Variants in CARMIL3 observed in about 807,000 individuals in gnomAD.
CARMIL3 encodes the protein capping protein, Arp2/3 and myosin-I linker protein 3.
A neutral mutation model predicts 180.8 loss-of-function variants in CARMIL3; 88 were observed. The ratio of observed to expected loss-of-function variants is 0.49; its 90% CI spans 0.41 to 0.58. CARMIL3 has a LOEUF of 0.58. CARMIL3 is among the 20% of genes least tolerant of loss of function. The pLI is 0.00. For missense variants in CARMIL3, 1,548 were observed against 1,787.0 expected, an observed-to-expected ratio of 0.87 and a Z score of 2.41; for synonymous variants, 696 against 714.5, an observed-to-expected ratio of 0.97 and a Z score of 0.41.
rs62621245 is a variant in CARMIL3 at position 24,068,918 on chromosome 14, C to T, written c.3934C>T (p.Arg1312Trp). 4.4e-3 allele frequency: 7,049 copies of T among 1,591,012 alleles called. 278 individuals are homozygous for T. In the African/African-American group the frequency reaches 0.084, roughly 19 times the overall value. Residue 1312 changes from arginine (R) to tryptophan (W), a missense_variant, in exon 38 of 40, where the codon CGG (arginine) becomes TGG (tryptophan). Arg to Trp is a moderately radical substitution (Grantham distance 101). This residue lies in a region of CARMIL3 where 668 missense variants were observed against 687.8 expected (regional missense o/e 0.97). Transcript: ENST00000342740. The part of the protein sequence containing the change: ...GDAAPGVNKP[R>W]LRLSSQQDQE... ...TGCAGCTCCAGGAGTCAACAAACCCCGGCTGAGGCTGAGCTCACAGCAAGA... is the reference window on the plus strand; with the variant it reads ...TGCAGCTCCAGGAGTCAACAAACCCTGGCTGAGGCTGAGCTCACAGCAAGA...
At position 24,057,047 on chromosome 14, in the gene CARMIL3, G is replaced by A. The variant is rs1370561452; in HGVS notation, c.1062+23G>A. The A allele has an allele frequency of 6.2e-6, 10 of 1,607,434 alleles. No homozygotes were observed. In the South Asian group the frequency reaches 1.0e-4, roughly 16 times the overall value. On this transcript the variant is annotated intron_variant, in intron 13 of 39. Coordinates refer to ENST00000342740, the MANE Select transcript of CARMIL3 (RefSeq NM_138360.4). Reference sequence around the variant, plus strand: ...AATGTGAGTCCTCAGAACAGCCTCAGCCCCCTGCAGAAAGCATGCTTAAGC... The same window carrying A: ...AATGTGAGTCCTCAGAACAGCCTCAACCCCCTGCAGAAAGCATGCTTAAGC...
In CARMIL3 at chr14:24,055,805, T is replaced by A. The variant is rs2035666404; in HGVS notation, c.770+16T>A. The A allele has an allele frequency of 6.2e-7, 1 of 1,612,906 alleles. No homozygotes were observed. The highest frequency in any genetic ancestry group is 1.3e-5 in the African/African-American group (1 of 74,986). The stretch of plus-strand genomic sequence containing the variant: ...GGCTTAAGACGTGAGGCCAGTCTCC[T>A]CCTTGGGCAGTAGTGCACCCTTGAT... On this transcript the variant is annotated intron_variant, in intron 10 of 39. Coordinates refer to ENST00000342740, the MANE Select transcript of CARMIL3 (RefSeq NM_138360.4).
chr14:24,059,887 C>T lies in CARMIL3; in HGVS notation c.1869-83C>T, dbSNP rs1029853624. The T allele has an allele frequency of 3.2e-6, 5 of 1,546,014 alleles. No homozygotes were observed. In the Admixed American group the frequency reaches 6.7e-5, roughly 21 times the overall value. ...AAGACAGAAATGATGAGCAAGGGGG[C>T]TGGAGGGCTGCTCACCAACAGAGGA... On this transcript the variant is annotated intron_variant, in intron 22 of 39. Transcript: ENST00000342740. This position sits in a 1 kb window ranked among gnomAD's most constrained non-coding sequence, Gnocchi z 6.3.
chr14:24,068,214 C>T (rs1251975704), intron 36 of CARMIL3, among the ~76,000 whole-genome samples: 7 of 152,154 alleles, frequency 4.6e-5, no homozygotes, highest in East Asian at 3.9e-4. Flanking sequence ...CTGGCCAACA[C>T]GGTGAAACCC....
Position 24,060,989 on chromosome 14 carries a change from G to T in CARMIL3, c.2253G>T (p.Arg751Ser), listed in dbSNP as rs1481867207. The T allele has an allele frequency of 1.3e-6, 2 of 1,551,712 alleles. No individual in the cohort carries two copies. The highest frequency in any genetic ancestry group is 1.7e-6 in the Non-Finnish European group (2 of 1,146,982). ...VLANDGPVRQRLESVASEVSK... is the reference protein window; with the variant it reads ...VLANDGPVRQSLESVASEVSK... ...CCAATGATGGGCCTGTGCGGCAGAG[G>T]CTGGAATCAGTAGCAAGTGAGGTGT... is the stretch of plus-strand genomic sequence containing the variant. The change falls in exon 26 of 40, where the codon AGG (arginine) becomes AGT (serine). Residue 751 changes from arginine to serine, a missense_variant. Arg to Ser is a moderately radical substitution (Grantham distance 110). Transcript: ENST00000342740.
At chr14:24,066,219 T>A (rs2035785314) in intron 34 of CARMIL3, among the ~76,000 whole-genome samples, 179 bp from the exon 35 acceptor site, 1 of 152,236 alleles carries the variant, frequency 6.6e-6, no homozygotes, top group Non-Finnish European at 1.5e-5. Flanking sequence ...TACTCATTTG[T>A]GTAAGCCATT....
At position 24,069,257 on chromosome 14, in the gene CARMIL3, G is replaced by A. The variant is rs769530380; in HGVS notation, c.4093+10G>A. On this transcript the variant is annotated intron_variant, in intron 39 of 39. Coordinates refer to ENST00000342740, the MANE Select transcript of CARMIL3 (RefSeq NM_138360.4). ...CCTCCTGACCCCACAGGTGCTGGTG[G>A]TGAGAGGGCAGGTCCCCCCTTCCCA... 4 of 1,613,848 alleles carry A rather than the reference G, an allele frequency of 2.5e-6. No homozygotes were observed. Among genetic ancestry groups the A allele is most frequent in the African/African-American group, 1.3e-5 (1 of 74,906 alleles).
chr14:24,062,610 C>T, intron 28 of CARMIL3, 43 bp downstream of exon 28: 1 of 1,613,468 alleles, frequency 6.2e-7, no homozygotes, highest in South Asian at 1.1e-5. Flanking sequence ...GGCACGCCCT[C>T]CACCCCACAT....
intron 33 of CARMIL3, 133 bp from the exon 34 acceptor site, chr14:24,065,489 C>T (rs1306592167): frequency 7.3e-7 from 1 of 1,360,748 alleles, no homozygotes; most frequent in Admixed American, 2.4e-5. Flanking sequence ...TGGAAGGACT[C>T]TTCAGAGGGT....
At chr14:24,065,586 C>T in intron 33 of CARMIL3, 36 bp from the exon 34 acceptor site, 1 of 1,576,378 alleles carries the variant, frequency 6.3e-7, no homozygotes, top group Non-Finnish European at 8.6e-7. Flanking sequence ...CCCCCTTCGA[C>T]TGGGAACTGC....
In CARMIL3 at chr14:24,055,132, A is replaced by T; in HGVS notation, c.527A>T (p.Gln176Leu). 1 of 1,614,062 alleles carries T rather than the reference A, an allele frequency of 6.2e-7. No homozygotes were observed. The highest frequency in any genetic ancestry group is 8.5e-7 in the Non-Finnish European group (1 of 1,180,010). ...YNGLHCREEV[Q>L]WDVDTIYHAE... ...GGGCTACACTGCCGTGAGGAGGTTCAATGGGTATGTTGGGCAGGGACCCCA... is the reference window on the plus strand; with the variant it reads ...GGGCTACACTGCCGTGAGGAGGTTCTATGGGTATGTTGGGCAGGGACCCCA... Residue 176 changes from glutamine (Q) to leucine (L), a missense_variant, in exon 7 of 40, where the codon CAA becomes CTA. Coordinates refer to ENST00000342740, the MANE Select transcript of CARMIL3 (RefSeq NM_138360.4).
Position 24,056,603 on chromosome 14 carries a change from TTCTC to T in CARMIL3, c.866-14_866-11del. On this transcript the variant is annotated splice_polypyrimidine_tract_variant and intron_variant, in intron 11 of 39. Coordinates refer to ENST00000342740, the MANE Select transcript of CARMIL3 (RefSeq NM_138360.4). ...CTGCCCTGCCCCTCACTGGGCCCGT[TTCTC>T]TCTCCACTCCCCAGGTTTTCTCAGT... 6.2e-7 allele frequency: 1 copy of T among 1,613,278 alleles called. No homozygotes were observed. The highest frequency in any genetic ancestry group is 8.5e-7 in the Non-Finnish European group (1 of 1,179,472).
At position 24,064,988 on chromosome 14, in the gene CARMIL3, A is replaced by T; in HGVS notation, c.3111A>T (p.Pro1037=). The T allele has an allele frequency of 1.2e-6, 2 of 1,612,174 alleles. No homozygotes were observed. Among genetic ancestry groups the T allele is most frequent in the Non-Finnish European group, 1.7e-6 (2 of 1,179,590 alleles). The change falls in exon 33 of 40, where the codon CCA becomes CCT. Residue 1037 remains proline (P), a synonymous_variant. Transcript: ENST00000342740. ...CCCGGACTCTGAGGACCGTGCGGCC[A>T]GGACTCTCGGAGGCACCGCTGCCTC... ...SYPRTLRTVR[P]GLSEAPLPPL... is the part of the protein sequence containing the mutation.
At position 24,055,569 on chromosome 14, in the gene CARMIL3, T is replaced by C. The variant is rs1355921848; in HGVS notation, c.632T>C (p.Leu211Pro). 3 of 1,614,020 alleles carry C rather than the reference T, an allele frequency of 1.9e-6. No individual in the cohort carries two copies. The highest frequency in any genetic ancestry group is 2.5e-6 in the Non-Finnish European group (3 of 1,180,034). ...SRDLALMVAA[L>P]AYNQWFTKLY... Reference sequence around the variant, plus strand: ...GACTTGGCCCTAATGGTAGCAGCCCTGGCCTACAACCAGTGGTTCACCAAA... The same window carrying C: ...GACTTGGCCCTAATGGTAGCAGCCCCGGCCTACAACCAGTGGTTCACCAAA... The change falls in exon 9 of 40, where the codon CTG (leucine) becomes CCG (proline). Residue 211 changes from leucine to proline, a missense_variant. Transcript: ENST00000342740.
At chr14:24,066,513 C>G in intron 35 of CARMIL3, 49 bp downstream of exon 35, 1 of 1,613,050 alleles carries the variant, frequency 6.2e-7, no homozygotes, top group Non-Finnish European at 8.5e-7. Context: ...TCTCAGGGGT[C>G]AAATTTACCT....
In CARMIL3 at chr14:24,059,657, C is replaced by T. The variant is rs752881010; in HGVS notation, c.1800-7C>T. 60 of 1,613,836 alleles carry T rather than the reference C, an allele frequency of 3.7e-5. 1 individual carries two copies. Among genetic ancestry groups the T allele is most frequent in the Non-Finnish European group, 4.9e-5 (58 of 1,179,958 alleles). On this transcript the variant is annotated splice_region_variant and splice_polypyrimidine_tract_variant and intron_variant, in intron 21 of 39. Coordinates refer to ENST00000342740, the MANE Select transcript of CARMIL3 (RefSeq NM_138360.4). This position sits in a 1 kb window ranked among gnomAD's most constrained non-coding sequence, Gnocchi z 6.3. ...AGGTGCCAAACTGGTGCTTACCCTCCCCCCAGAACTATCCTATGGGATCGG... is the reference window on the plus strand; with the variant it reads ...AGGTGCCAAACTGGTGCTTACCCTCTCCCCAGAACTATCCTATGGGATCGG...
chr14:24,065,461 A>G (rs748078298), intron 33 of CARMIL3, 161 bp from the exon 34 acceptor site: 26 of 1,128,518 alleles, frequency 2.3e-5, no homozygotes, highest in Non-Finnish European at 3.1e-5. Context: ...TGGGAGTGCT[A>G]TATGCGAATG....
Position 24,059,071 on chromosome 14 carries a change from TCTC to T in CARMIL3, c.1572-56_1572-54del. 5.0e-6 allele frequency: 8 copies of T among 1,588,120 alleles called. No homozygotes were observed. The highest frequency in any genetic ancestry group is 2.3e-5 in the East Asian group (1 of 43,650). ...TCACCGTATTACCTCTGGCCACCTC[TCTC>T]CTCCTCCAATAGCATGACCCCAGCC... On this transcript the variant is annotated intron_variant, in intron 19 of 39. Coordinates refer to ENST00000342740, the MANE Select transcript of CARMIL3 (RefSeq NM_138360.4). This position sits in a 1 kb window ranked among gnomAD's most constrained non-coding sequence, Gnocchi z 6.3.
rs142116505 is a variant in CARMIL3 at position 24,053,703 on chromosome 14, C to T, written c.41-6C>T. 26 of 1,604,768 alleles carry T rather than the reference C, an allele frequency of 1.6e-5. No homozygotes were observed. The highest frequency in any genetic ancestry group is 1.7e-4 in the Middle Eastern group (1 of 6,036). ...AAGCTCTGAGCAGGCTCCCACCCCC[C>T]CTCAGACAGCATCCGGAGGTGCCTG... On this transcript the variant is annotated splice_region_variant and splice_polypyrimidine_tract_variant and intron_variant, in intron 1 of 39. Transcript: ENST00000342740.
Sources: allele counts gnomAD v4.1 joint callset (sites outside exome capture counted in the v4.1 genomes callset), GRCh38; gene constraint gnomAD v4.1.1; regional missense constraint gnomAD v4.1.1; non-coding constraint Gnocchi (gnomAD v3.1); transcripts MANE v1.5; gene names NCBI Gene and HGNC (gene_info 2026-07-23, HGNC 2026-07-21).